KPNA3: variants seen among roughly 807,000 people sequenced by gnomAD.
The protein encoded by KPNA3 is importin subunit alpha-4.
In KPNA3, 13 loss-of-function variants were observed where a neutral mutation model predicts 73.8. The ratio of observed to expected loss-of-function variants is 0.18; its 90% CI spans 0.11 to 0.28. The LOEUF (loss-of-function observed/expected upper bound fraction) is 0.28. KPNA3 is among the 10% of genes least tolerant of loss of function. KPNA3 has a pLI of 1.00. For synonymous variants in KPNA3, 186 were observed against 206.9 expected (o/e 0.90, Z 0.87); for missense variants, 360 against 618.1 (o/e 0.58, Z 4.43).
chr13:49,748,663 T>C lies in KPNA3; in HGVS notation c.70-1670A>G, dbSNP rs182409424. Reference sequence around the variant, plus strand: ...ATAAACTTAAACTTAAATACAGATATATATTAAATAGAAACAAAACTGCCA... The same window carrying C: ...ATAAACTTAAACTTAAATACAGATACATATTAAATAGAAACAAAACTGCCA... On this transcript the variant is annotated intron_variant, in intron 1 of 16. Coordinates refer to ENST00000261667, the MANE Select transcript of KPNA3 (RefSeq NM_002267.4). 5.9e-5 allele frequency among the ~76,000 whole-genome samples: 9 copies of C among 152,248 alleles called. No homozygotes were observed. In the East Asian group the frequency reaches 1.5e-3, roughly 26 times the overall value.
chr13:49,751,367 C>A (rs1428691629), intron 1 of KPNA3, among the ~76,000 whole-genome samples: 1 of 152,198 alleles, frequency 6.6e-6, no homozygotes, highest in Admixed American at 6.5e-5. Context: ...AACCTCCCAG[C>A]TCCACGGCCA....
intron 12 of KPNA3, among the ~76,000 whole-genome samples, chr13:49,707,471 T>C (rs966646235): frequency 3.9e-5 from 6 of 152,230 alleles, no homozygotes; most frequent in Non-Finnish European, 5.9e-5. Flanking sequence ...TCCAGGGTCC[T>C]ATGATAGTCT....
At chr13:49,704,668 T>G (rs996946470) in intron 15 of KPNA3, among the ~76,000 whole-genome samples, 2 of 152,168 alleles carry the variant, frequency 1.3e-5, no homozygotes, top group South Asian at 2.1e-4. Context: ...ATTGAACATG[T>G]ACATTTAAAA....
At chr13:49,768,385 C>A (rs1954826316) in intron 1 of KPNA3, among the ~76,000 whole-genome samples, 1 of 151,434 alleles carries the variant, frequency 6.6e-6, no homozygotes, top group Admixed American at 6.6e-5. Flanking sequence ...GCAGTTGGGT[C>A]TTGCTTCTTA....
rs542800210 is a variant in KPNA3, at chr13:49,740,353, CATTGTT to C, written c.114+6590_114+6595del. Among the ~76,000 whole-genome samples the C allele has an allele frequency of 2.1e-3, 327 of 152,116 alleles. 2 individuals carry two copies. The highest frequency in any genetic ancestry group is 3.2e-3 in the Non-Finnish European group (220 of 67,984). ...TCAGTGATTTTTCAAGAATATAACA[CATTGTT>C]ATTAACTATAGTTCATAACCATGTG... On this transcript the variant is annotated intron_variant, in intron 2 of 16. Coordinates refer to ENST00000261667, the MANE Select transcript of KPNA3 (RefSeq NM_002267.4).
intron 6 of KPNA3, 69 bp downstream of exon 6, chr13:49,732,302 G>T: frequency 1.4e-6 from 1 of 690,606 alleles, no homozygotes; most frequent in Non-Finnish European, 2.5e-6. Flanking sequence ...TGAACTCACT[G>T]GTTAAGTAAT....
chr13:49,707,568 T>C (rs1954219532), intron 12 of KPNA3, among the ~76,000 whole-genome samples: 1 of 43,710 alleles, frequency 2.3e-5, no homozygotes, highest in Non-Finnish European at 5.6e-5. Flanking sequence ...TCTATGAAAT[T>C]TTCCTCTACC....
rs539162543 is a variant in KPNA3, at chr13:49,735,672, T to C, written c.115-2626A>G. On this transcript the variant is annotated intron_variant, in intron 2 of 16. Transcript: ENST00000261667. The stretch of plus-strand genomic sequence containing the variant: ...TTACCTAATTTCAACACCCAACCAA[T>C]CCTTAAACACACATATGGATTAAAT... 6.7e-4 allele frequency among the ~76,000 whole-genome samples: 102 copies of C among 152,212 alleles called. 2 individuals carry two copies. Among genetic ancestry groups the C allele is most frequent in the Admixed American group, 5.5e-3 (84 of 15,274 alleles).
intron 1 of KPNA3, among the ~76,000 whole-genome samples, chr13:49,769,998 T>C (rs1954839889): frequency 6.6e-6 from 1 of 152,170 alleles, no homozygotes; most frequent in Non-Finnish European, 1.5e-5. Flanking sequence ...ACATTAAGCA[T>C]CTTTTCATGT....
intron 1 of KPNA3, among the ~76,000 whole-genome samples, chr13:49,753,756 G>C (rs942689710): frequency 1.3e-5 from 2 of 152,168 alleles, no homozygotes; most frequent in African/African-American, 4.8e-5. Flanking sequence ...GCACGTGAGG[G>C]ATCTAGGTTG....
At chr13:49,739,725 T>A (rs1954555908) in intron 2 of KPNA3, among the ~76,000 whole-genome samples, 1 of 152,206 alleles carries the variant, frequency 6.6e-6, no homozygotes, top group Admixed American at 6.5e-5. Flanking sequence ...AAGGAGCTTT[T>A]ACCTTCAGGG....
intron 7 of KPNA3, among the ~76,000 whole-genome samples, chr13:49,723,413 T>C (rs1048377109): frequency 1.3e-5 from 2 of 151,794 alleles, no homozygotes; most frequent in Non-Finnish European, 2.9e-5. Flanking sequence ...CTACTAAAAA[T>C]ATAAAAATTA....
In KPNA3 at chr13:49,711,902, T is replaced by C. The variant is rs967447943; in HGVS notation, c.772-880A>G. On this transcript the variant is annotated intron_variant, in intron 10 of 16. Transcript: ENST00000261667. ...ACATATAACCCACACCCCTTCAGCATTACTAAGAGTCAGAGAACACTAAAA... is the reference window on the plus strand; with the variant it reads ...ACATATAACCCACACCCCTTCAGCACTACTAAGAGTCAGAGAACACTAAAA... Among the ~76,000 whole-genome samples the C allele has an allele frequency of 3.9e-5, 6 of 152,300 alleles. No individual in the cohort carries two copies. The East Asian group carries it at 7.7e-4, about 20-fold the overall frequency.
intron 1 of KPNA3, among the ~76,000 whole-genome samples, chr13:49,787,176 G>C (rs992736538): frequency 6.6e-6 from 1 of 152,080 alleles, no homozygotes; most frequent in Admixed American, 6.6e-5. Flanking sequence ...TATTAGCCCT[G>C]GTATCAGAAA....
Position 49,709,599 on chromosome 13 carries a change from T to C in KPNA3, c.1005A>G (p.Leu335=), listed in dbSNP as rs199892990. The change falls in exon 12 of 17, where the codon TTA becomes TTG. Residue 335 remains leucine (L), a synonymous_variant. Transcript: ENST00000261667. ...CDVLSHFPNL[L]SHPKEKINKE... Reference sequence around the variant, plus strand: ...TATTTATCTTCTCTTTTGGGTGTGATAAGAGATTTGGGAAGTGTGACAGGA... The same window carrying C: ...TATTTATCTTCTCTTTTGGGTGTGACAAGAGATTTGGGAAGTGTGACAGGA... 2 of 1,613,496 alleles carry C rather than the reference T, an allele frequency of 1.2e-6. No individual in the cohort carries two copies. The highest frequency in any genetic ancestry group is 1.7e-5 in the Admixed American group (1 of 59,992).
chr13:49,788,895 G>A (rs977251193), intron 1 of KPNA3, among the ~76,000 whole-genome samples: 2 of 151,870 alleles, frequency 1.3e-5, no homozygotes, highest in African/African-American at 4.8e-5. Context: ...ATAAACCTCA[G>A]AATAACCTTT....
At chr13:49,780,354 T>C (rs1013513337) in intron 1 of KPNA3, among the ~76,000 whole-genome samples, 4 of 152,182 alleles carry the variant, frequency 2.6e-5, no homozygotes, top group African/African-American at 9.7e-5. Context: ...TATGGCTCTT[T>C]ACAAAAAACT....
chr13:49,704,439 AAATAAAT>A (rs1954184526), intron 15 of KPNA3, among the ~76,000 whole-genome samples: 10 of 2,466 alleles, frequency 4.1e-3, no homozygotes, highest in African/African-American at 0.028. Flanking sequence ...AATAAAAAAT[AAATAAAT>A]AAATAAATAA....
At chr13:49,786,097 G>C (rs1228310739) in intron 1 of KPNA3, among the ~76,000 whole-genome samples, 1 of 152,192 alleles carries the variant, frequency 6.6e-6, no homozygotes, top group African/African-American at 2.4e-5. Flanking sequence ...TCATGTTACA[G>C]AAATACATTA....
Sources: gnomAD v4.1 joint callset for allele counts (sites outside exome capture counted in the v4.1 genomes callset) on GRCh38, gnomAD v4.1.1 for gene constraint, MANE v1.5 for transcripts, NCBI Gene and HGNC (gene_info 2026-07-23, HGNC 2026-07-21) for gene names.